NUDT21: variants seen among roughly 807,000 people sequenced by gnomAD.
NUDT21 encodes nudix hydrolase 21.
Under a neutral mutation model 29.8 loss-of-function variants are expected in NUDT21, and 5 were observed. That is an observed-to-expected ratio of 0.17 (90% CI 0.09 to 0.35). The LOEUF is 0.35. Among genes scored for constraint, NUDT21 ranks in the 10% least tolerant of loss-of-function variants. The probability of loss-of-function intolerance (pLI) is 1.00; values close to 1 mark genes in which losing one functional copy is unlikely to be tolerated. For missense variants in NUDT21, 76 were observed against 276.0 expected, an observed-to-expected ratio of 0.28 and a Z score of 5.13; for synonymous variants, 113 against 98.5, an observed-to-expected ratio of 1.15 and a Z score of -0.87.
chr16:56,444,745 G>A (rs1376691970), intron 3 of NUDT21, among the ~76,000 whole-genome samples: 3 of 151,660 alleles, frequency 2.0e-5, no homozygotes, highest in East Asian at 1.9e-4. Context: ...ATTGCTAGTT[G>A]TTCTCTGATT....
chr16:56,437,638 A>T (rs1467356332), intron 4 of NUDT21, among the ~76,000 whole-genome samples: 2 of 152,182 alleles, frequency 1.3e-5, no homozygotes, highest in South Asian at 2.1e-4. Flanking sequence ...GAGTCCCTAC[A>T]TGGTTCCTGG....
intron 3 of NUDT21, among the ~76,000 whole-genome samples, chr16:56,441,313 T>C (rs1245212925): frequency 1.3e-5 from 2 of 152,198 alleles, no homozygotes; most frequent in African/African-American, 4.8e-5. Context: ...CTTGGCTCAC[T>C]GCAACCTCCA....
chr16:56,438,009 TACA>T (rs564665086), intron 4 of NUDT21, among the ~76,000 whole-genome samples: 117 of 152,292 alleles, frequency 7.7e-4, no homozygotes, highest in African/African-American at 2.6e-3. Context: ...CTGCTAACAT[TACA>T]ACAAGAAACA....
At chr16:56,443,750 T>C (rs1406165239) in intron 3 of NUDT21, among the ~76,000 whole-genome samples, 1 of 152,196 alleles carries the variant, frequency 6.6e-6, no homozygotes, top group South Asian at 2.1e-4. Context: ...TCTTTGCACA[T>C]GCCCACTCCC....
Position 56,432,466 on chromosome 16 carries a change from A to G in NUDT21, c.*246T>C, listed in dbSNP as rs1962044650. The G allele has an allele frequency of 2.7e-6, 1 of 375,330 alleles. No individual in the cohort carries two copies. The highest frequency in any genetic ancestry group is 4.1e-5 in the East Asian group (1 of 24,506). 23.2% of individuals were successfully genotyped at this position (375,330 alleles called of 1,614,324 possible). On this transcript the variant is annotated 3_prime_UTR_variant, in exon 7 of 7. Transcript: ENST00000300291. ...TGAGAAATTAAAATAAAAAAAGTCCATTTTCTTTAATGTTGTACAAAAAAG... is the reference window on the plus strand; with the variant it reads ...TGAGAAATTAAAATAAAAAAAGTCCGTTTTCTTTAATGTTGTACAAAAAAG...
At position 56,432,507 on chromosome 16, in the gene NUDT21, A is replaced by G. The variant is rs1962045609; in HGVS notation, c.*205T>C. On this transcript the variant is annotated 3_prime_UTR_variant, in exon 7 of 7. Coordinates refer to ENST00000300291, the MANE Select transcript of NUDT21 (RefSeq NM_007006.3). ...TACAAAAAAGTATGAGCAGAACCGA[A>G]AGTAAATAAACATTATCACATTTGT... 1 of 416,428 alleles carries G rather than the reference A, an allele frequency of 2.4e-6. No homozygotes were observed. Among genetic ancestry groups the G allele is most frequent in the Non-Finnish European group, 4.4e-6 (1 of 226,918 alleles). 25.8% of individuals were successfully genotyped at this position (416,428 alleles called of 1,614,324 possible). A position where few individuals can be genotyped will look rare whatever the true frequency, so the allele number is the denominator to read the frequency against.
chr16:56,442,404 G>C (rs1362493164), intron 3 of NUDT21, among the ~76,000 whole-genome samples: 14 of 152,308 alleles, frequency 9.2e-5, no homozygotes, highest in African/African-American at 3.1e-4. Context: ...CTAGGACAGA[G>C]ATTATATTCT....
intron 3 of NUDT21, 41 bp downstream of exon 3, chr16:56,446,584 TA>T: frequency 8.8e-7 from 1 of 1,135,400 alleles, no homozygotes; most frequent in Non-Finnish European, 1.3e-6. Flanking sequence ...GCCAAATAAC[TA>T]GTAAGTTGAT....
chr16:56,438,508 T>C (rs573445848), intron 4 of NUDT21, among the ~76,000 whole-genome samples: 6 of 152,324 alleles, frequency 3.9e-5, no homozygotes, highest in African/African-American at 1.4e-4. Context: ...GCTGACAACT[T>C]GACTGTAACT....
At chr16:56,435,578 T>G (rs1471332453) in intron 4 of NUDT21, among the ~76,000 whole-genome samples, 1 of 147,672 alleles carries the variant, frequency 6.8e-6, no homozygotes, top group East Asian at 2.0e-4. Context: ...TACAAAAAAT[T>G]AGCCAGGCGT....
chr16:56,450,756 T>C (rs1226552167), intron 1 of NUDT21, among the ~76,000 whole-genome samples: 1 of 152,126 alleles, frequency 6.6e-6, no homozygotes, highest in Admixed American at 6.5e-5. Context: ...GCATAAACAA[T>C]TCACTGGAAG....
intron 6 of NUDT21, 150 bp downstream of exon 6, chr16:56,434,181 T>C: frequency 1.6e-6 from 1 of 628,194 alleles, no homozygotes; most frequent in Non-Finnish European, 2.9e-6. Flanking sequence ...TCACAATTAA[T>C]CTATGGCTTG....
chr16:56,441,409 AT>A (rs1173913390), intron 3 of NUDT21, among the ~76,000 whole-genome samples: 1 of 151,314 alleles, frequency 6.6e-6, no homozygotes, highest in Non-Finnish European at 1.5e-5. Context: ...GCTTTTTTGT[AT>A]TTTTAGTAGA....
intron 3 of NUDT21, among the ~76,000 whole-genome samples, chr16:56,446,145 G>A (rs1408039569): frequency 6.6e-6 from 1 of 152,104 alleles, no homozygotes; most frequent in Admixed American, 6.5e-5. Flanking sequence ...TTAAAAAGTA[G>A]AATAATTTGG....
chr16:56,438,897 G>A (rs1051463873), intron 4 of NUDT21, among the ~76,000 whole-genome samples: 2 of 152,066 alleles, frequency 1.3e-5, no homozygotes, highest in Non-Finnish European at 2.9e-5. Flanking sequence ...CGCGAACAGT[G>A]ACTATATATT....
At position 56,451,327 on chromosome 16, in the gene NUDT21, G is replaced by C. The variant is rs575196753; in HGVS notation, c.-125C>G. ...GCCCGCCATTAACAGGACAGCGCAA[G>C]AGGAGGCGTAGGCACGCCGGAAGTG... On this transcript the variant is annotated 5_prime_UTR_variant, in exon 1 of 7. Transcript: ENST00000300291. 1.4e-5 allele frequency: 12 copies of C among 829,090 alleles called. No homozygotes were observed. The highest frequency in any genetic ancestry group is 5.0e-5 in the South Asian group (3 of 59,722). 51.4% of individuals were successfully genotyped at this position (829,090 alleles called of 1,614,324 possible).
Position 56,445,931 on chromosome 16 carries a change from C to T in NUDT21, c.381+695G>A, listed in dbSNP as rs543844241. 7.2e-5 allele frequency among the ~76,000 whole-genome samples: 11 copies of T among 152,194 alleles called. No homozygotes were observed. The South Asian group carries it at 1.9e-3, about 26-fold the overall frequency. ...CAATAGGTCAAAAGTGGGAGAATTA[C>T]GGGTGACTTTAGTTTTGTTTCTCCT... On this transcript the variant is annotated intron_variant, in intron 3 of 6. Transcript: ENST00000300291.
intron 1 of NUDT21, among the ~76,000 whole-genome samples, chr16:56,450,490 C>T (rs1203641484): frequency 6.6e-6 from 1 of 152,154 alleles, no homozygotes; most frequent in Non-Finnish European, 1.5e-5. Context: ...GCCTGGGATG[C>T]CGGCATTGAG....
intron 4 of NUDT21, 67 bp from the exon 5 acceptor site, chr16:56,434,896 C>A: frequency 1.0e-6 from 1 of 956,250 alleles, no homozygotes; most frequent in South Asian, 1.4e-5. Flanking sequence ...ATGTTTACTC[C>A]CCAGTATAGT....
Sources: gnomAD v4.1 joint callset for allele counts (sites outside exome capture counted in the v4.1 genomes callset) on GRCh38, gnomAD v4.1.1 for gene constraint, MANE v1.5 for transcripts, NCBI Gene and HGNC (gene_info 2026-07-23, HGNC 2026-07-21) for gene names.